NPIPB2: variants seen among roughly 807,000 people sequenced by gnomAD.
NPIPB2 encodes nuclear pore complex interacting protein family member B2.
A neutral mutation model predicts 30.8 loss-of-function variants in NPIPB2; 27 were observed. The ratio of observed to expected loss-of-function variants is 0.88; its 90% CI spans 0.65 to 1.21. The LOEUF (loss-of-function observed/expected upper bound fraction) is 1.21. NPIPB2 is among the 50% of genes most tolerant of loss of function. The pLI is 0.00. For synonymous variants in NPIPB2, 147 were observed against 162.0 expected (o/e 0.91, Z 0.70); for missense variants, 440 against 446.2 (o/e 0.99, Z 0.13).
intron 1 of NPIPB2, chr16:11,965,319 G>C (rs2150939616): frequency 6.2e-7 from 1 of 1,613,642 alleles, no homozygotes; most frequent in Non-Finnish European, 8.5e-7. Flanking sequence ...TTTTCTTTTT[G>C]TGATCATGTT....
At chr16:11,939,385 C>A (rs1377641890) in intron 1 of NPIPB2, among the ~76,000 whole-genome samples, 4 of 151,192 alleles carry the variant, frequency 2.6e-5, no homozygotes, top group Admixed American at 6.6e-5. Flanking sequence ...CACGGTGAAA[C>A]CCATCTCTAC....
At chr16:11,941,949 A>T (rs1363495935) in intron 1 of NPIPB2, 34 bp downstream of exon 1, 3 of 1,021,710 alleles carry the variant, frequency 2.9e-6, no homozygotes, top group Non-Finnish European at 4.4e-6. Context: ...CATAAAAAAC[A>T]AATGATGGCA....
rs1165555822 is a variant in NPIPB2 at position 11,975,069 on chromosome 16, C to T, written c.-584+1499G>A. On this transcript the variant is annotated intron_variant, in intron 1 of 5. Transcript: ENST00000538896. ...CAGCCTGGGCGACAGAGCGAGATGCCGTCTCAAAAACAAAACAAAACAAAA... is the reference window on the plus strand; with the variant it reads ...CAGCCTGGGCGACAGAGCGAGATGCTGTCTCAAAAACAAAACAAAACAAAA... 1.1e-4 allele frequency among the ~76,000 whole-genome samples: 16 copies of T among 145,076 alleles called. No homozygotes were observed. In the Admixed American group the frequency reaches 1.1e-3, roughly 10 times the overall value.
intron 1 of NPIPB2, among the ~76,000 whole-genome samples, chr16:11,948,779 A>G (rs2055036563): frequency 6.7e-6 from 1 of 149,732 alleles, no homozygotes; most frequent in African/African-American, 2.4e-5. Context: ...AAAAAAAAAA[A>G]AAAAAAAAAA....
chr16:11,940,837 A>G (rs866935002), intron 1 of NPIPB2, among the ~76,000 whole-genome samples: 25 of 138,312 alleles, frequency 1.8e-4, no homozygotes, highest in East Asian at 7.0e-4. Flanking sequence ...GTTTTGGTCC[A>G]TTTTGTTTGT....
upstream of NPIPB2, among the ~76,000 whole-genome samples, chr16:11,942,526 A>G (rs1294174567): frequency 2.0e-5 from 3 of 151,840 alleles, no homozygotes; most frequent in Non-Finnish European, 4.4e-5. Context: ...GTCCTTATCT[A>G]TATCATCTTA....
At chr16:11,963,152 G>A (rs1238294740) in intron 1 of NPIPB2, among the ~76,000 whole-genome samples, 2 of 152,156 alleles carry the variant, frequency 1.3e-5, no homozygotes, top group South Asian at 2.1e-4. Flanking sequence ...GGCCAAGGCC[G>A]GTGGGTCACC....
At chr16:11,976,230 A>C (rs771470435) in intron 1 of NPIPB2, among the ~76,000 whole-genome samples, 43 of 151,884 alleles carry the variant, frequency 2.8e-4, no homozygotes, top group Non-Finnish European at 5.9e-4. Flanking sequence ...CACCAGGCCT[A>C]TTTTCTCACT....
intron 1 of NPIPB2, chr16:11,965,232 C>T (rs556321006): frequency 3.9e-4 from 595 of 1,533,812 alleles, no homozygotes; most frequent in Non-Finnish European, 4.9e-4. Flanking sequence ...ATTCTAGCTG[C>T]TCTTGCTGCA....
chr16:11,975,142 T>TTTTCTTTC (rs1491424798), intron 1 of NPIPB2, among the ~76,000 whole-genome samples: 2 of 2,934 alleles, frequency 6.8e-4, no homozygotes, highest in African/African-American at 9.7e-4. Flanking sequence ...ATCCATCACC[T>TTTTCTTTC]TTTTTTTTTT....
intron 1 of NPIPB2, chr16:11,965,532 C>T: frequency 7.1e-7 from 1 of 1,418,412 alleles, no homozygotes; most frequent in South Asian, 1.3e-5. Flanking sequence ...AGAGAATCAA[C>T]ATAATGGGCA....
chr16:11,976,495 A>T (rs181180766), intron 1 of NPIPB2: 2 of 325,518 alleles, frequency 6.1e-6, no homozygotes, highest in East Asian at 9.5e-5. Context: ...ACTCGTGGGA[A>T]CCTCAGGAAG....
chr16:11,967,681 A>C (rs1483929933), intron 1 of NPIPB2: 2 of 1,614,146 alleles, frequency 1.2e-6, no homozygotes, highest in South Asian at 1.1e-5. Context: ...ACCTGTGAAG[A>C]CTGCATCAAG....
intron 1 of NPIPB2, chr16:11,968,860 TTTTTC>T (rs1188287234): frequency 5.3e-5 from 8 of 150,168 alleles, no homozygotes; most frequent in Non-Finnish European, 8.8e-5. Context: ...AACCAATTTC[TTTTTC>T]TTTTCTTTTT....
upstream of NPIPB2, among the ~76,000 whole-genome samples, chr16:11,944,807 AT>A (rs1236258185): frequency 1.3e-5 from 2 of 151,172 alleles, no homozygotes; most frequent in African/African-American, 4.9e-5. Context: ...AATAAAATAC[AT>A]TTAGGCCAGA....
intron 1 of NPIPB2, among the ~76,000 whole-genome samples, chr16:11,957,775 T>C (rs892191986): frequency 3.3e-5 from 5 of 152,160 alleles, no homozygotes; most frequent in African/African-American, 1.2e-4. Flanking sequence ...GCCCTGTGGA[T>C]TTCAAACTCA....
chr16:11,943,719 C>T (rs2054969582), upstream of NPIPB2, among the ~76,000 whole-genome samples: 1 of 148,502 alleles, frequency 6.7e-6, no homozygotes, highest in Admixed American at 6.7e-5. Context: ...AAAAAAAAAG[C>T]CAGGCACGGT....
Position 11,949,729 on chromosome 16 carries a change from T to C in NPIPB2, c.-583-7615A>G, listed in dbSNP as rs934038043. On this transcript the variant is annotated intron_variant, in intron 1 of 5. Coordinates refer to the NPIPB2 transcript ENST00000538896. The stretch of plus-strand genomic sequence containing the variant: ...GCCTTATGGAGCTGGCTGGACAGCA[T>C]TGGAAGTAAAGGGCAGCCTTGCTCC... 1.6e-4 allele frequency among the ~76,000 whole-genome samples: 24 copies of C among 152,320 alleles called. 1 individual carries two copies. Among genetic ancestry groups the C allele is most frequent in the African/African-American group, 7.2e-5 (3 of 41,576 alleles).
exon 3 of NPIPB2, chr16:11,933,858 T>C (rs1285000894): frequency 6.4e-7 from 1 of 1,574,588 alleles, no homozygotes. Flanking sequence ...CTCCTGGCTC[T>C]CTGCTGTACA....
Sources: gnomAD v4.1 joint callset for allele counts (sites outside exome capture counted in the v4.1 genomes callset) on GRCh38, gnomAD v4.1.1 for gene constraint, MANE v1.5 for transcripts, NCBI Gene and HGNC (gene_info 2026-07-23, HGNC 2026-07-21) for gene names.